Variants in CD36 observed in about 807,000 individuals in gnomAD.
The protein encoded by CD36 is CD36 molecule (CD36 blood group), also known as platelet glycoprotein 4.
CD36 carries 119 observed loss-of-function variants against 55.2 expected under a neutral mutation model. The ratio of observed to expected loss-of-function variants is 2.15; its 90% confidence interval spans 1.86 to 2.51. CD36 has a LOEUF of 2.51. Ranked by LOEUF, CD36 falls within the 30% of genes most tolerant of loss-of-function variation. The pLI is 0.00. For synonymous variants in CD36, 186 were observed against 193.6 expected (o/e 0.96, Z 0.33); for missense variants, 819 against 555.5 (o/e 1.47, Z -4.77).
intron 6 of CD36, 124 bp downstream of exon 6, chr7:80,663,293 T>C: frequency 2.4e-6 from 2 of 818,474 alleles, no homozygotes. Flanking sequence ...ACATATATCC[T>C]AACTTTTTAA....
intron 7 of CD36, among the ~76,000 whole-genome samples, chr7:80,665,432 A>ATGAT (rs1796983493): frequency 6.6e-6 from 1 of 152,152 alleles, no homozygotes; most frequent in East Asian, 1.9e-4. Flanking sequence ...AGTCTATCTA[A>ATGAT]TGATTGCTTT....
chr7:80,650,306 C>T (rs1418976404), intron 3 of CD36, among the ~76,000 whole-genome samples: 2 of 152,068 alleles, frequency 1.3e-5, no homozygotes, highest in Non-Finnish European at 2.9e-5. Flanking sequence ...ACCATGTTGA[C>T]CTTGTTAATT....
intron 9 of CD36, 139 bp downstream of exon 9, chr7:80,670,161 CAA>C: frequency 1.5e-6 from 1 of 668,604 alleles, no homozygotes; most frequent in Non-Finnish European, 2.6e-6. Context: ...CTGCATCTTC[CAA>C]TTTTTAATAG....
intron 5 of CD36, 111 bp downstream of exon 5, chr7:80,661,321 C>T (rs527258454): frequency 2.4e-5 from 25 of 1,024,146 alleles, no homozygotes; most frequent in South Asian, 9.5e-5. Flanking sequence ...TTTATCAAAA[C>T]GTATTCCTAT....
chr7:80,671,703 T>C (rs113695365), intron 10 of CD36, among the ~76,000 whole-genome samples: 5 of 152,154 alleles, frequency 3.3e-5, no homozygotes, highest in African/African-American at 1.2e-4. Context: ...AATAAATTCT[T>C]AGTCCATAGA....
chr7:80,667,464 G>A (rs984344265), intron 8 of CD36, among the ~76,000 whole-genome samples: 9 of 145,846 alleles, frequency 6.2e-5, no homozygotes, highest in Admixed American at 2.1e-4. Flanking sequence ...GGTGGGAATC[G>A]AATACCATGA....
At chr7:80,630,278 TA>T (rs1794001329) in intron 1 of CD36, among the ~76,000 whole-genome samples, 1 of 152,018 alleles carries the variant, frequency 6.6e-6, no homozygotes, top group Admixed American at 6.6e-5. Flanking sequence ...AGCACATCCT[TA>T]AAAGGAGTAG....
Position 80,641,347 on chromosome 7 carries a change from T to C in CD36, c.-184+2601T>C, listed in dbSNP as rs1794797611. Among the ~76,000 whole-genome samples the C allele has an allele frequency of 2.0e-5, 3 of 152,200 alleles. No homozygotes were observed. The South Asian group carries it at 6.2e-4, about 32-fold the overall frequency. ...GGAACTGTGTCTTTATAAACATACATAGTTATGATAATGTGAAAAAAGTAA... is the reference window on the plus strand; with the variant it reads ...GGAACTGTGTCTTTATAAACATACACAGTTATGATAATGTGAAAAAAGTAA... On this transcript the variant is annotated intron_variant, in intron 1 of 14. Coordinates refer to ENST00000447544, the MANE Select transcript of CD36 (RefSeq NM_001001548.3).
intron 11 of CD36, among the ~76,000 whole-genome samples, chr7:80,672,545 TCTAA>T (rs528343910): frequency 2.6e-4 from 40 of 151,988 alleles, no homozygotes; most frequent in African/African-American, 7.0e-4. Context: ...AACTCACAAA[TCTAA>T]CTAACTAAAA....
chr7:80,670,944 C>G (rs1170209441), intron 9 of CD36, 33 bp from the exon 10 acceptor site: 2 of 1,475,822 alleles, frequency 1.4e-6, no homozygotes, highest in Non-Finnish European at 1.9e-6. Context: ...AGTTCAGGTT[C>G]CTGGAATGCA....
rs1794694469 is a variant in CD36, at chr7:80,639,875, CAG to C, written c.-184+1133_-184+1134del. The C allele has an allele frequency of 2.0e-5, 3 of 152,056 alleles. No individual in the cohort carries two copies. In the South Asian group the frequency reaches 6.2e-4, roughly 31 times the overall value. The allele number at this position is 152,056 out of a possible 1,614,324, so 9.4% of individuals were successfully genotyped here. Reference sequence around the variant, plus strand: ...TAGTGAACCAGAACAATAAACCAAACAGAGAACCATCAGATAATGGGTTAGCC... The same window carrying C: ...TAGTGAACCAGAACAATAAACCAAACAGAACCATCAGATAATGGGTTAGCC... On this transcript the variant is annotated intron_variant, in intron 1 of 14. Coordinates refer to ENST00000447544, the MANE Select transcript of CD36 (RefSeq NM_001001548.3).
intron 12 of CD36, 61 bp downstream of exon 12, chr7:80,672,904 A>C (rs1797851998): frequency 1.9e-6 from 2 of 1,061,452 alleles, no homozygotes; most frequent in Admixed American, 3.6e-5. Flanking sequence ...TCTTCTTGTA[A>C]GAACATGAGT....
Position 80,672,652 on chromosome 7 carries a change from A to T in CD36, c.1126-118A>T, listed in dbSNP as rs1410981942. The stretch of plus-strand genomic sequence containing the variant: ...TATATATGCAGTTTTAAAAGTTTCA[A>T]TTAGTCCTGTTTAACCTTAAGTTAC... On this transcript the variant is annotated intron_variant, in intron 11 of 14. Coordinates refer to ENST00000447544, the MANE Select transcript of CD36 (RefSeq NM_001001548.3). 4 of 707,558 alleles carry T rather than the reference A, an allele frequency of 5.7e-6. No individual in the cohort carries two copies. In the African/African-American group the frequency reaches 7.1e-5, roughly 13 times the overall value. The allele number at this position is 707,558 out of a possible 1,614,324, so 43.8% of individuals were successfully genotyped here.
intron 5 of CD36, chr7:80,662,624 G>A (rs1796636243): frequency 7.8e-6 from 2 of 255,316 alleles, no homozygotes; most frequent in Admixed American, 1.0e-4. Flanking sequence ...TGTGCTGAAT[G>A]TGCAGGATTG....
chr7:80,666,479 TA>T lies in CD36; in HGVS notation c.740del (p.Asn247MetfsTer39). 6.2e-7 allele frequency: 1 copy of T among 1,607,358 alleles called. No homozygotes were observed. Among genetic ancestry groups the T allele is most frequent in the Non-Finnish European group, 8.5e-7 (1 of 1,174,270 alleles). ...ATTGGGAAAGTCACTGCGACATGAT[TA>T]ATGGTACAGGTAAGAATATTTGTTT... ...SYWESHCDMINGTDAASFPPF... is the reference protein window; with the variant it reads ...SYWESHCDMIXGTDAASFPPF... On this transcript the variant is annotated frameshift_variant, in exon 8 of 15. Transcript: ENST00000447544. LOFTEE classifies it high-confidence loss of function.
rs1168874367 is a variant in CD36, at chr7:80,671,040, T to C, written c.882T>C (p.Val294=). 1 of 1,613,182 alleles carries C rather than the reference T, an allele frequency of 6.2e-7. No individual in the cohort carries two copies. Among genetic ancestry groups the C allele is most frequent in the East Asian group, 2.2e-5 (1 of 44,804 alleles). The change falls in exon 10 of 15, where the codon GTT becomes GTC. Residue 294 remains valine (V), a synonymous_variant. Coordinates refer to ENST00000447544, the MANE Select transcript of CD36 (RefSeq NM_001001548.3). Reference sequence around the variant, plus strand: ...AAGGAATCCCTGTGTATAGATTTGTTCTTCCATCCAAGGCCTTTGCCTCTC... The same window carrying C: ...AAGGAATCCCTGTGTATAGATTTGTCCTTCCATCCAAGGCCTTTGCCTCTC... ...NLKGIPVYRF[V]LPSKAFASPV...
intron 1 of CD36, among the ~76,000 whole-genome samples, chr7:80,616,445 G>A (rs1793159160): frequency 8.2e-6 from 1 of 121,218 alleles, no homozygotes; most frequent in African/African-American, 3.3e-5. Flanking sequence ...GTGTGTGTGT[G>A]TGTGCCTGCA....
At chr7:80,662,218 A>AC (rs1796591872) in intron 5 of CD36, 1 of 152,412 alleles carries the variant, frequency 6.6e-6, no homozygotes, top group Admixed American at 6.5e-5. Flanking sequence ...TCAATAGCTT[A>AC]CCAATATATT....
intron 8 of CD36, among the ~76,000 whole-genome samples, chr7:80,667,754 T>TTTTTTTTG (rs770885623): frequency 0.32 from 41,295 of 128,154 alleles, 7,809 homozygotes; most frequent in Non-Finnish European, 0.43. Flanking sequence ...TTTGTTTTTT[T>TTTTTTTTG]TTTTTTTTTT....
Sources: allele counts gnomAD v4.1 joint callset (sites outside exome capture counted in the v4.1 genomes callset), GRCh38; gene constraint gnomAD v4.1.1; transcripts MANE v1.5; gene names NCBI Gene and HGNC (gene_info 2026-07-23, HGNC 2026-07-21).